BRAF: variants seen among roughly 807,000 people sequenced by gnomAD.
BRAF encodes the protein serine/threonine-protein kinase B-raf.
In BRAF, 16 loss-of-function variants were observed where a neutral mutation model predicts 104.6. The observed-to-expected ratio is 0.15, with a 90% CI of 0.10 to 0.23. The LOEUF (loss-of-function observed/expected upper bound fraction) is 0.23, where lower values mean the gene tolerates loss of function less well. Ranked by LOEUF, BRAF falls within the 10% of genes least tolerant of loss-of-function variation. The probability of loss-of-function intolerance (pLI) is 1.00; values close to 1 mark genes in which losing one functional copy is unlikely to be tolerated. For missense variants in BRAF, 541 were observed against 937.3 expected, an observed-to-expected ratio of 0.58 and a Z score of 5.52; for synonymous variants, 310 against 341.6, an observed-to-expected ratio of 0.91 and a Z score of 1.02.
chr7:140,903,914 A>C (rs1469790740), intron 1 of BRAF, among the ~76,000 whole-genome samples: 1 of 152,244 alleles, frequency 6.6e-6, no homozygotes, highest in Non-Finnish European at 1.5e-5. Context: ...GAATTGCTAC[A>C]ATATCATGAT....
chr7:140,911,567 C>T (rs989037772), intron 1 of BRAF, among the ~76,000 whole-genome samples: 1 of 152,016 alleles, frequency 6.6e-6, no homozygotes, highest in Admixed American at 6.6e-5. Flanking sequence ...CTACAATAAA[C>T]GGTAGGTGAG....
intron 10 of BRAF, among the ~76,000 whole-genome samples, chr7:140,783,975 T>C (rs972406711): frequency 7.9e-5 from 12 of 152,308 alleles, no homozygotes; most frequent in South Asian, 4.1e-4. Context: ...CAGGGTTGCA[T>C]ACCTTTCTCA....
rs767162242 is a variant in BRAF at position 140,734,790 on chromosome 7, AAAAAAAGAAAAAAAAAG to A, written c.2248-37_2248-21del. On this transcript the variant is annotated intron_variant, in intron 18 of 19. Transcript: ENST00000644969. ...GAGAATCTACAAAAAAAAAAAGAAA[AAAAAAAGAAAAAAAAAG>A]AAAAAAGAAAAAAAAAGAAAGAAAG... 28 of 1,195,096 alleles carry A rather than the reference AAAAAAAGAAAAAAAAAG, an allele frequency of 2.3e-5. No individual in the cohort carries two copies. The highest frequency in any genetic ancestry group is 2.8e-4 in the Middle Eastern group (1 of 3,576). The allele number at this position is 1,195,096 out of a possible 1,614,324, so 74.0% of individuals were successfully genotyped here. A position where few individuals can be genotyped will look rare whatever the true frequency, so the allele number is the denominator to read the frequency against.
chr7:140,807,302 T>C (rs1247378101), intron 5 of BRAF, among the ~76,000 whole-genome samples: 1 of 152,168 alleles, frequency 6.6e-6, no homozygotes, highest in Non-Finnish European at 1.5e-5. Flanking sequence ...AGAAAGACCT[T>C]GTTTAGCCCT....
At chr7:140,883,225 A>G (rs539425557) in intron 1 of BRAF, among the ~76,000 whole-genome samples, 1 of 152,262 alleles carries the variant, frequency 6.6e-6, no homozygotes, top group East Asian at 1.9e-4. Flanking sequence ...ACCTTGAAAC[A>G]TGGAATCACT....
Position 140,720,067 on chromosome 7 carries a change from A to G in BRAF, c.*6427T>C, listed in dbSNP as rs376629099. 3.8e-6 allele frequency: 4 copies of G among 1,060,510 alleles called. No homozygotes were observed. The highest frequency in any genetic ancestry group is 5.1e-5 in the East Asian group (1 of 19,500). 65.7% of individuals were successfully genotyped at this position (1,060,510 alleles called of 1,614,324 possible). Reference sequence around the variant, plus strand: ...GGGGATTTCCTTTTTCTTGGTCTAAACCAAAGAGCAATGACAACTACTGAA... The same window carrying G: ...GGGGATTTCCTTTTTCTTGGTCTAAGCCAAAGAGCAATGACAACTACTGAA... On this transcript the variant is annotated 3_prime_UTR_variant, in exon 20 of 20. Coordinates refer to ENST00000644969, the MANE Select transcript of BRAF (RefSeq NM_001374258.1).
In BRAF at chr7:140,719,675, C is replaced by T. The variant is rs1563220194; in HGVS notation, c.*6819G>A. On this transcript the variant is annotated 3_prime_UTR_variant, in exon 20 of 20. Coordinates refer to ENST00000644969, the MANE Select transcript of BRAF (RefSeq NM_001374258.1). ...TTGAGAATAGGGGAAAAGAGGGAGA[C>T]ATCATCCATTTGACTGAAAATAAAT... 1.9e-6 allele frequency: 2 copies of T among 1,060,626 alleles called. No homozygotes were observed. Among genetic ancestry groups the T allele is most frequent in the East Asian group, 1.0e-4 (2 of 19,830 alleles). The allele number at this position is 1,060,626 out of a possible 1,614,324, so 65.7% of individuals were successfully genotyped here.
intron 1 of BRAF, among the ~76,000 whole-genome samples, chr7:140,863,274 A>G (rs781022427): frequency 3.9e-5 from 6 of 152,224 alleles, no homozygotes; most frequent in Non-Finnish European, 7.3e-5. Context: ...CCAAAACAAT[A>G]GAAAGTAAAA....
At position 140,725,288 on chromosome 7, in the gene BRAF, A is replaced by T. The variant is rs1795537746; in HGVS notation, c.*1206T>A. On this transcript the variant is annotated 3_prime_UTR_variant, in exon 20 of 20. Coordinates refer to ENST00000644969, the MANE Select transcript of BRAF (RefSeq NM_001374258.1). Reference sequence around the variant, plus strand: ...AGTGTGGATCCAGCAAGTACCATTAATTGAAAAATTATAAATATTTGTCAT... The same window carrying T: ...AGTGTGGATCCAGCAAGTACCATTATTTGAAAAATTATAAATATTTGTCAT... 1 of 1,038,658 alleles carries T rather than the reference A, an allele frequency of 9.6e-7. No homozygotes were observed. Among genetic ancestry groups the T allele is most frequent in the African/African-American group, 1.7e-5 (1 of 59,760 alleles). The allele number at this position is 1,038,658 out of a possible 1,614,324, so 64.3% of individuals were successfully genotyped here.
chr7:140,824,315 ATTC>A (rs1240743244), intron 3 of BRAF: 2 of 152,116 alleles, frequency 1.3e-5, no homozygotes, highest in African/African-American at 4.8e-5. Flanking sequence ...ATTTTGGGTT[ATTC>A]TTTGTACATG....
intron 5 of BRAF, among the ~76,000 whole-genome samples, chr7:140,802,292 C>CTTTTTTTTTT (rs144953895): frequency 9.7e-6 from 1 of 103,310 alleles, no homozygotes; most frequent in Non-Finnish European, 1.8e-5. Context: ...ATGTTTGTGT[C>CTTTTTTTTTT]TTTTTTTTTT....
At chr7:140,898,743 A>G (rs1442219337) in intron 1 of BRAF, among the ~76,000 whole-genome samples, 3 of 152,118 alleles carry the variant, frequency 2.0e-5, no homozygotes, top group Non-Finnish European at 4.4e-5. Context: ...CACTTTTATC[A>G]TCATTATTCC....
chr7:140,721,353 T>C lies in BRAF; in HGVS notation c.*5141A>G. 1 of 1,214,292 alleles carries C rather than the reference T, an allele frequency of 8.2e-7. No individual in the cohort carries two copies. The highest frequency in any genetic ancestry group is 4.3e-5 in the Admixed American group (1 of 23,196). 75.2% of individuals were successfully genotyped at this position (1,214,292 alleles called of 1,614,324 possible). The stretch of plus-strand genomic sequence containing the variant: ...TAAGATTTTAGGAGTTGGGTTTCTG[T>C]CCTTTTCCACATTAAAAATACCTGA... On this transcript the variant is annotated 3_prime_UTR_variant, in exon 20 of 20. Coordinates refer to ENST00000644969, the MANE Select transcript of BRAF (RefSeq NM_001374258.1).
intron 10 of BRAF, among the ~76,000 whole-genome samples, chr7:140,785,524 C>G (rs192595432): frequency 6.6e-6 from 1 of 152,174 alleles, no homozygotes; most frequent in Non-Finnish European, 1.5e-5. Flanking sequence ...GCAGTGAGTA[C>G]GTGTGAGACG....
At chr7:140,738,245 C>A (rs28700200) in intron 18 of BRAF, among the ~76,000 whole-genome samples, 1 of 152,208 alleles carries the variant, frequency 6.6e-6, no homozygotes, top group African/African-American at 2.4e-5. Flanking sequence ...CCTTTCTTTT[C>A]TTAGGCAACA....
At chr7:140,915,851 G>A (rs956997755) in intron 1 of BRAF, among the ~76,000 whole-genome samples, 6 of 151,090 alleles carry the variant, frequency 4.0e-5, no homozygotes, top group Middle Eastern at 3.4e-3. Flanking sequence ...CTCCCTGGAA[G>A]TGTAGTTTCA....
intron 1 of BRAF, among the ~76,000 whole-genome samples, chr7:140,868,688 C>T (rs887610665): frequency 5.9e-5 from 9 of 152,028 alleles, no homozygotes; most frequent in South Asian, 4.2e-4. Context: ...CTAAAACCTC[C>T]GCACTGTACA....
At chr7:140,754,816 A>G (rs1263348169) in intron 14 of BRAF, among the ~76,000 whole-genome samples, 1 of 152,212 alleles carries the variant, frequency 6.6e-6, no homozygotes, top group African/African-American at 2.4e-5. Flanking sequence ...CTACTAGAAC[A>G]TGCAGTTTGG....
chr7:140,891,173 G>C (rs147288249), intron 1 of BRAF, among the ~76,000 whole-genome samples: 3 of 152,162 alleles, frequency 2.0e-5, no homozygotes, highest in Admixed American at 1.3e-4. Flanking sequence ...AGGGTGTGGG[G>C]TAGAGGGGAA....
Sources: gnomAD v4.1 joint callset for allele counts (sites outside exome capture counted in the v4.1 genomes callset) on GRCh38, gnomAD v4.1.1 for gene constraint, MANE v1.5 for transcripts, NCBI Gene and HGNC (gene_info 2026-07-23, HGNC 2026-07-21) for gene names.